Variants in ATF7 observed in about 807,000 individuals in gnomAD.
The protein encoded by ATF7 is cyclic AMP-dependent transcription factor ATF-7.
A neutral mutation model predicts 50.4 loss-of-function variants in ATF7; 10 were observed. The ratio of observed to expected loss-of-function variants is 0.20; its 90% CI spans 0.12 to 0.34. ATF7 has a LOEUF of 0.34. Among genes scored for constraint, ATF7 ranks in the 10% least tolerant of loss-of-function variants. The pLI is 1.00. For missense variants in ATF7, 465 were observed against 613.9 expected (o/e 0.76, Z 2.56); for synonymous variants, 201 against 226.4 (o/e 0.89, Z 1.01).
chr12:53,539,471 A>T (rs1306389260), intron 4 of ATF7, among the ~76,000 whole-genome samples: 1 of 151,782 alleles, frequency 6.6e-6, no homozygotes, highest in Non-Finnish European at 1.5e-5. Context: ...AGGTGGGAGG[A>T]TTGCTTGAGC....
chr12:53,590,827 GA>G (rs2137767090), intron 2 of ATF7, among the ~76,000 whole-genome samples: 1 of 152,242 alleles, frequency 6.6e-6, no homozygotes, highest in South Asian at 2.1e-4. Flanking sequence ...TGACATTCTA[GA>G]AAAAGTGAAA....
At chr12:53,598,807 C>T (rs184110587) in intron 2 of ATF7, among the ~76,000 whole-genome samples, 1 of 152,092 alleles carries the variant, frequency 6.6e-6, no homozygotes, top group African/African-American at 2.4e-5. Flanking sequence ...TTTGCAAAGT[C>T]CTTGTCTGGG....
chr12:53,572,169 A>T (rs925795294), intron 2 of ATF7, among the ~76,000 whole-genome samples: 2 of 152,218 alleles, frequency 1.3e-5, no homozygotes. Context: ...GGCTTGGCAT[A>T]TAAAGAGCTT....
chr12:53,539,115 C>A (rs994680268), intron 4 of ATF7, among the ~76,000 whole-genome samples: 1 of 152,196 alleles, frequency 6.6e-6, no homozygotes, highest in Non-Finnish European at 1.5e-5. Flanking sequence ...GAAGTAAAGA[C>A]CACTCCTGTA....
intron 2 of ATF7, among the ~76,000 whole-genome samples, chr12:53,587,050 T>C (rs1194861458): frequency 6.6e-6 from 1 of 152,140 alleles, no homozygotes; most frequent in South Asian, 2.1e-4. Flanking sequence ...GGTTCACAGA[T>C]ATACAATGAA....
chr12:53,608,218 CAA>C (rs71444811), intron 1 of ATF7, among the ~76,000 whole-genome samples: 5,520 of 88,906 alleles, frequency 0.062, 261 homozygotes, highest in African/African-American at 0.19. Flanking sequence ...GACTCTGTCT[CAA>C]AAAAAAAAAA....
chr12:53,600,040 G>C (rs768192828), intron 2 of ATF7, among the ~76,000 whole-genome samples: 1 of 152,070 alleles, frequency 6.6e-6, no homozygotes, highest in East Asian at 1.9e-4. Context: ...ATATAATTAC[G>C]TGACAGCTGA....
At chr12:53,553,309 T>G (rs992462840) in intron 2 of ATF7, among the ~76,000 whole-genome samples, 1 of 152,098 alleles carries the variant, frequency 6.6e-6, no homozygotes, top group Non-Finnish European at 1.5e-5. Context: ...CTGGGCTCCA[T>G]CAGCCATAAA....
chr12:53,586,669 GTC>G (rs1239647372), intron 2 of ATF7, among the ~76,000 whole-genome samples: 2 of 152,162 alleles, frequency 1.3e-5, no homozygotes, highest in East Asian at 3.9e-4. Context: ...AACTGTCACT[GTC>G]TCTCTGATAA....
At chr12:53,521,059 C>T (rs1938094784) in intron 11 of ATF7, among the ~76,000 whole-genome samples, 1 of 151,444 alleles carries the variant, frequency 6.6e-6, no homozygotes. Context: ...ATGGCACCAT[C>T]TCAGCTCACT....
At chr12:53,574,101 G>C (rs1473330571) in intron 2 of ATF7, among the ~76,000 whole-genome samples, 1 of 152,152 alleles carries the variant, frequency 6.6e-6, no homozygotes, top group East Asian at 1.9e-4. Context: ...TGAAGAAACT[G>C]AATAAGCACC....
intron 4 of ATF7, chr12:53,542,990 G>T: frequency 8.4e-7 from 1 of 1,193,444 alleles, no homozygotes; most frequent in Non-Finnish European, 1.0e-6. Flanking sequence ...CAACAAATAT[G>T]TTATCCAACA....
At chr12:53,577,284 C>G (rs1942126513) in intron 2 of ATF7, among the ~76,000 whole-genome samples, 1 of 151,634 alleles carries the variant, frequency 6.6e-6, no homozygotes, top group Admixed American at 6.6e-5. Flanking sequence ...AATCTCTGAA[C>G]TTGAGGATAT....
rs145469324 is a variant in ATF7 at position 53,618,564 on chromosome 12, C to T, written c.-22+7715G>A. ...TAAAATTAACAAGCAGGAAAAGTTG[C>T]TGCCTGCCAATGTAAAGTCTTTAGT... is the stretch of plus-strand genomic sequence containing the variant. On this transcript the variant is annotated intron_variant, in intron 1 of 11. Coordinates refer to ENST00000420353, the MANE Select transcript of ATF7 (RefSeq NM_006856.3). 2.0e-3 allele frequency among the ~76,000 whole-genome samples: 299 copies of T among 152,234 alleles called. 1 individual carries two copies. Among genetic ancestry groups the T allele is most frequent in the African/African-American group, 7.1e-3 (294 of 41,554 alleles).
At chr12:53,543,705 C>G in intron 3 of ATF7, 1 of 426,764 alleles carries the variant, frequency 2.3e-6, no homozygotes, top group Non-Finnish European at 4.2e-6. Flanking sequence ...CACGTACCCA[C>G]TTTTCTCTCA....
intron 4 of ATF7, among the ~76,000 whole-genome samples, chr12:53,540,373 A>G (rs1939477013): frequency 6.6e-6 from 1 of 151,862 alleles, no homozygotes; most frequent in African/African-American, 2.4e-5. Flanking sequence ...AAAAAGAAAA[A>G]AAAGTAGAAC....
At position 53,517,179 on chromosome 12, in the gene ATF7, C is replaced by A. The variant is rs372771818; in HGVS notation, c.1410G>T (p.Ser470=). ...QRTELSMPIQ[S]HVIMTPQSQS... ...GGGACTGTGGGGTCATGATTACATG[C>A]GATTGTATCGGCATGCTCAGTTCTG... is the stretch of plus-strand genomic sequence containing the variant. Residue 470 remains serine, a synonymous_variant, in exon 12 of 12, where the codon TCG becomes TCT. Coordinates refer to ENST00000420353, the MANE Select transcript of ATF7 (RefSeq NM_006856.3). 5.0e-6 allele frequency: 8 copies of A among 1,613,662 alleles called. No individual in the cohort carries two copies. The highest frequency in any genetic ancestry group is 2.2e-5 in the East Asian group (1 of 44,892).
At chr12:53,596,621 A>C (rs116226291) in intron 2 of ATF7, among the ~76,000 whole-genome samples, 1 of 152,340 alleles carries the variant, frequency 6.6e-6, no homozygotes, top group African/African-American at 2.4e-5. Context: ...AAAAGCATCC[A>C]AAAGGTAAGT....
Position 53,600,954 on chromosome 12 carries a change from T to C in ATF7, c.47A>G (p.Gln16Arg). 6.2e-7 allele frequency: 1 copy of C among 1,613,234 alleles called. No individual in the cohort carries two copies. Residue 16 changes from glutamine to arginine, a missense_variant and splice_region_variant, in exon 2 of 12, where the codon CAG becomes CGG. Gln to Arg is a conservative substitution (Grantham distance 43). Coordinates refer to ENST00000420353, the MANE Select transcript of ATF7 (RefSeq NM_006856.3). The stretch of plus-strand genomic sequence containing the variant: ...CAATAAAGTATATTGTAAACGTACC[T>C]GTCCACAGCCCGGGGCATTGCACAC... ...PFVCNAPGCG[Q>R]RFTNEDHLAV...
Sources: allele counts gnomAD v4.1 joint callset (sites outside exome capture counted in the v4.1 genomes callset), GRCh38; gene constraint gnomAD v4.1.1; transcripts MANE v1.5; gene names NCBI Gene and HGNC (gene_info 2026-07-23, HGNC 2026-07-21).